The following IRAK3 variants were observed in gnomAD, a reference collection of about 807,000 sequenced individuals.
IRAK3 encodes interleukin-1 receptor-associated kinase 3.
In IRAK3, 57 loss-of-function variants were observed where a neutral mutation model predicts 56.6. The ratio of observed to expected loss-of-function variants is 1.01; its 90% CI spans 0.81 to 1.26. The LOEUF (loss-of-function observed/expected upper bound fraction) is 1.26. IRAK3 is among the 50% of genes most tolerant of loss of function. The pLI is 0.00. For synonymous variants in IRAK3, 258 were observed against 255.7 expected (o/e 1.01, Z -0.09); for missense variants, 703 against 719.0 (o/e 0.98, Z 0.25).
intron 6 of IRAK3, among the ~76,000 whole-genome samples, chr12:66,225,845 G>C (rs1022819461): frequency 6.6e-6 from 1 of 152,134 alleles, no homozygotes; most frequent in African/African-American, 2.4e-5. Context: ...TAGTCATATG[G>C]ATTTAGACAA....
At position 66,200,871 on chromosome 12, in the gene IRAK3, C is replaced by T. The variant is rs755750635; in HGVS notation, c.134-2840C>T. 3.9e-5 allele frequency among the ~76,000 whole-genome samples: 6 copies of T among 152,124 alleles called. 1 individual carries two copies. Among genetic ancestry groups the T allele is most frequent in the Non-Finnish European group, 7.4e-5 (5 of 68,014 alleles). ...TGTTGCCTAGGCTGGAGTGCAATGGCGTGATCTCAGCTCACTGCAACCTCT... is the reference window on the plus strand; with the variant it reads ...TGTTGCCTAGGCTGGAGTGCAATGGTGTGATCTCAGCTCACTGCAACCTCT... On this transcript the variant is annotated intron_variant, in intron 1 of 11. Transcript: ENST00000261233.
intron 8 of IRAK3, among the ~76,000 whole-genome samples, chr12:66,240,800 T>C (rs1388821472): frequency 6.7e-6 from 1 of 149,508 alleles, no homozygotes; most frequent in Non-Finnish European, 1.5e-5. Flanking sequence ...GACCCATATA[T>C]ATACTATATA....
At chr12:66,194,113 G>T (rs1240648065) in intron 1 of IRAK3, among the ~76,000 whole-genome samples, 5 of 152,062 alleles carry the variant, frequency 3.3e-5, no homozygotes, top group Non-Finnish European at 7.4e-5. Context: ...TATGGATGGG[G>T]CCAGGCTGGT....
chr12:66,235,452 C>G (rs2052896637), intron 8 of IRAK3, among the ~76,000 whole-genome samples: 1 of 151,428 alleles, frequency 6.6e-6, no homozygotes, highest in Non-Finnish European at 1.5e-5. Context: ...GCTGCAGCTC[C>G]GCGCTGACTT....
At position 66,245,220 on chromosome 12, in the gene IRAK3, G is replaced by A. The variant is rs1457454339; in HGVS notation, c.1272G>A (p.Arg424=). Residue 424 remains arginine, a synonymous_variant, in exon 11 of 12, where the codon CGG becomes CGA. Transcript: ENST00000261233. The stretch of plus-strand genomic sequence containing the variant: ...CCAAGCTCTTCTGTTTGGCAGGCCG[G>A]TGTGCTGCAACGCGGGCAAAGTTAA... ...FSAKLFCLAG[R]CAATRAKLRP... 6.2e-7 allele frequency: 1 copy of A among 1,614,170 alleles called. No individual in the cohort carries two copies. Among genetic ancestry groups the A allele is most frequent in the South Asian group, 1.1e-5 (1 of 91,086 alleles).
intron 8 of IRAK3, among the ~76,000 whole-genome samples, chr12:66,241,635 A>G (rs1180511016): frequency 6.6e-6 from 1 of 152,252 alleles, no homozygotes; most frequent in African/African-American, 2.4e-5. Context: ...CTTTATTTAG[A>G]ACAGAATAAA....
rs568982361 is a variant in IRAK3 at position 66,208,276 on chromosome 12, A to G, written c.317-1180A>G. 9.9e-5 allele frequency among the ~76,000 whole-genome samples: 15 copies of G among 152,138 alleles called. No homozygotes were observed. In the East Asian group the frequency reaches 2.7e-3, roughly 27 times the overall value. On this transcript the variant is annotated intron_variant, in intron 2 of 11. Transcript: ENST00000261233. ...ACCTCAGTCCAGACAGCACTCTACC[A>G]CATAGAAGTTATAGTCGACATTTGG...
At chr12:66,242,923 G>A (rs550185996) in intron 8 of IRAK3, among the ~76,000 whole-genome samples, 24 of 152,208 alleles carry the variant, frequency 1.6e-4, no homozygotes, top group African/African-American at 5.1e-4. Context: ...AAAATTAGCC[G>A]AGTGTAGTGG....
intron 8 of IRAK3, among the ~76,000 whole-genome samples, chr12:66,231,523 C>T (rs117666056): frequency 6.6e-6 from 1 of 152,268 alleles, no homozygotes; most frequent in East Asian, 1.9e-4. Context: ...AAAGATAACA[C>T]AAACACAAAA....
chr12:66,226,762 TAC>T lies in IRAK3; in HGVS notation c.695_696del (p.Thr232ArgfsTer3), dbSNP rs1359529299. 6.2e-7 allele frequency: 1 copy of T among 1,611,352 alleles called. No individual in the cohort carries two copies. Among genetic ancestry groups the T allele is most frequent in the East Asian group, 2.2e-5 (1 of 44,866 alleles). Reference sequence around the variant, plus strand: ...ACATACTAGAGTTGGCTGCATATTTTACAGAGACTGAGAAGTTCTGTCTGATT... The same window carrying T: ...ACATACTAGAGTTGGCTGCATATTTTAGAGACTGAGAAGTTCTGTCTGATT... ...PNILELAAYF[T>X]ETEKFCLIYP... On this transcript the variant is annotated frameshift_variant, in exon 7 of 12. Coordinates refer to ENST00000261233, the MANE Select transcript of IRAK3 (RefSeq NM_007199.3). LOFTEE classifies it high-confidence loss of function.
At chr12:66,207,015 T>C (rs1403506457) in intron 2 of IRAK3, among the ~76,000 whole-genome samples, 1 of 152,220 alleles carries the variant, frequency 6.6e-6, no homozygotes, top group Non-Finnish European at 1.5e-5. Context: ...TATTCCTTTA[T>C]AATTCCATTT....
At chr12:66,203,443 A>C (rs2052527814) in intron 1 of IRAK3, among the ~76,000 whole-genome samples, 1 of 152,204 alleles carries the variant, frequency 6.6e-6, no homozygotes, top group Non-Finnish European at 1.5e-5. Flanking sequence ...GGATCTTAGA[A>C]CAGAAAAGAG....
chr12:66,210,174 GTTCTTA>G lies in IRAK3; in HGVS notation c.413_418del (p.Leu138_Ile139del). ...AACAGCCAATGTCACCGTGGATAAT[GTTCTTA>G]TTCCTGAACATAATGAAAAAGGTAT... On this transcript the variant is annotated inframe_deletion, in exon 4 of 12. Coordinates refer to ENST00000261233, the MANE Select transcript of IRAK3 (RefSeq NM_007199.3). 1 of 1,603,172 alleles carries G rather than the reference GTTCTTA, an allele frequency of 6.2e-7. No homozygotes were observed.
In IRAK3 at chr12:66,235,194, T is replaced by C. The variant is rs111569662; in HGVS notation, c.887+6824T>C. On this transcript the variant is annotated intron_variant, in intron 8 of 11. Coordinates refer to ENST00000261233, the MANE Select transcript of IRAK3 (RefSeq NM_007199.3). ...GTGGTGCTGGGACTGGGAGGGGCCA[T>C]GGGGTGGGCTGGGACCAGAGACTGC... The C allele has an allele frequency of 1.9e-3, 2,997 of 1,555,056 alleles. 84 individuals are homozygous for C. The African/African-American group carries it at 0.036, about 19-fold the overall frequency.
intron 5 of IRAK3, among the ~76,000 whole-genome samples, chr12:66,213,670 G>C (rs1449100820): frequency 6.6e-6 from 1 of 151,896 alleles, no homozygotes; most frequent in African/African-American, 2.4e-5. Context: ...TACCTCACTG[G>C]TGTGAGATGT....
At chr12:66,228,057 G>C (rs1455269704) in intron 7 of IRAK3, among the ~76,000 whole-genome samples, 195 bp from the exon 8 acceptor site, 3 of 152,086 alleles carry the variant, frequency 2.0e-5, no homozygotes, top group South Asian at 2.1e-4. Context: ...CTATAAAAGA[G>C]GCCTAGAACT....
At chr12:66,209,567 T>C in intron 3 of IRAK3, 47 bp downstream of exon 3, 1 of 1,148,504 alleles carries the variant, frequency 8.7e-7, no homozygotes. Context: ...TTGTTGCATG[T>C]ATAATTGAGC....
In IRAK3 at chr12:66,251,129, A is replaced by C. The variant is rs1484776442; in HGVS notation, c.*2958A>C. 1 of 152,222 alleles carries C rather than the reference A, an allele frequency of 6.6e-6. No homozygotes were observed. Among genetic ancestry groups the C allele is most frequent in the Non-Finnish European group, 1.5e-5 (1 of 68,046 alleles). The allele number at this position is 152,222 out of a possible 1,614,324, so 9.4% of individuals were successfully genotyped here. Reference sequence around the variant, plus strand: ...TTGTTGACCAATCATCTTATTGACTAGACCATCTTTCTAGAGTATAACTAT... The same window carrying C: ...TTGTTGACCAATCATCTTATTGACTCGACCATCTTTCTAGAGTATAACTAT... On this transcript the variant is annotated 3_prime_UTR_variant, in exon 12 of 12. Transcript: ENST00000261233.
Position 66,228,346 on chromosome 12 carries a change from C to G in IRAK3, c.863C>G (p.Ser288Trp). Residue 288 changes from serine (S) to tryptophan (W), a missense_variant, in exon 8 of 12, where the codon TCG becomes TGG. Transcript: ENST00000261233. ...IHYLHNVQPCSVICGSISSAN... is the reference protein window; with the variant it reads ...IHYLHNVQPCWVICGSISSAN... ...TACCTGCACAACGTTCAACCATGCT[C>G]GGTCATCTGTGGCAGTATATCAAGG... 6.2e-7 allele frequency: 1 copy of G among 1,613,288 alleles called. No homozygotes were observed. The highest frequency in any genetic ancestry group is 8.5e-7 in the Non-Finnish European group (1 of 1,179,250).
Sources: gnomAD v4.1 joint callset for allele counts (sites outside exome capture counted in the v4.1 genomes callset) on GRCh38, gnomAD v4.1.1 for gene constraint, MANE v1.5 for transcripts, NCBI Gene and HGNC (gene_info 2026-07-23, HGNC 2026-07-21) for gene names.